Variants in SEC24B observed in about 807,000 individuals in gnomAD.
SEC24B encodes SEC24 homolog B, COPII component.
Under a neutral mutation model 142.8 loss-of-function variants are expected in SEC24B, and 45 were observed. The ratio of observed to expected loss-of-function variants is 0.32; its 90% CI spans 0.25 to 0.40. The LOEUF is 0.40. SEC24B is among the 10% of genes least tolerant of loss of function. The pLI is 1.00. For synonymous variants in SEC24B, 574 were observed against 568.2 expected, an observed-to-expected ratio of 1.01 and a Z score of -0.15; for missense variants, 1,409 against 1,526.8, an observed-to-expected ratio of 0.92 and a Z score of 1.29.
rs1561117642 is a variant in SEC24B, at chr4:109,483,056, T to TTATTTATGTATTTA, written c.1165+1278_1165+1279insTTATGTATTTATAT. ...TATTTATATATATGTATTTATGTAT[T>TTATTTATGTATTTA]TATATATATATATATATGTATGTAT... On this transcript the variant is annotated intron_variant, in intron 4 of 23. Transcript: ENST00000265175. Among the ~76,000 whole-genome samples, 418 of 97,852 alleles carry TTATTTATGTATTTA rather than the reference T, an allele frequency of 4.3e-3. 8 individuals carry two copies. The highest frequency in any genetic ancestry group is 0.036 in the African/African-American group (399 of 11,138). 64.2% of individuals were successfully genotyped at this position (97,852 alleles called of 152,430 possible).
intron 4 of SEC24B, among the ~76,000 whole-genome samples, chr4:109,485,763 A>G (rs1734289356): frequency 6.6e-6 from 1 of 152,358 alleles, no homozygotes; most frequent in African/African-American, 2.4e-5. Context: ...TGTGGGAATT[A>G]CATGTAAGTG....
At chr4:109,466,934 G>C (rs1170601755) in intron 2 of SEC24B, among the ~76,000 whole-genome samples, 1 of 152,084 alleles carries the variant, frequency 6.6e-6, no homozygotes, top group Non-Finnish European at 1.5e-5. Flanking sequence ...TCAAAACATA[G>C]ACTAAAGGGG....
intron 1 of SEC24B, among the ~76,000 whole-genome samples, chr4:109,441,116 A>G (rs1728890203): frequency 1.3e-5 from 2 of 152,222 alleles, no homozygotes; most frequent in Non-Finnish European, 2.9e-5. Context: ...AGCAGGATGA[A>G]GTAGCGAGAG....
intron 4 of SEC24B, among the ~76,000 whole-genome samples, chr4:109,485,234 T>C (rs1734229392): frequency 6.6e-6 from 1 of 152,258 alleles, no homozygotes; most frequent in Non-Finnish European, 1.5e-5. Flanking sequence ...ATTGTGTTAT[T>C]GTCTGTTCTT....
intron 6 of SEC24B, among the ~76,000 whole-genome samples, chr4:109,497,925 C>G (rs1735699759): frequency 2.0e-5 from 3 of 152,198 alleles, no homozygotes; most frequent in Admixed American, 2.0e-4. Flanking sequence ...TGTGAGAGTT[C>G]AGTTGCTTCA....
intron 11 of SEC24B, among the ~76,000 whole-genome samples, 159 bp downstream of exon 11, chr4:109,516,799 G>A (rs560903546): frequency 2.6e-5 from 4 of 152,186 alleles, no homozygotes; most frequent in African/African-American, 4.8e-5. Flanking sequence ...GCAGATACTC[G>A]AGTTATGATT....
chr4:109,446,656 G>A (rs1729494966), intron 1 of SEC24B, among the ~76,000 whole-genome samples: 1 of 152,218 alleles, frequency 6.6e-6, no homozygotes, highest in Admixed American at 6.5e-5. Context: ...TTTCTTATAC[G>A]TGAACAGGGT....
intron 4 of SEC24B, among the ~76,000 whole-genome samples, chr4:109,482,997 C>CATAT (rs1304339535): frequency 2.0e-5 from 2 of 102,346 alleles, no homozygotes; most frequent in East Asian, 2.6e-4. Flanking sequence ...CACACACACA[C>CATAT]ACACACATAT....
intron 1 of SEC24B, among the ~76,000 whole-genome samples, chr4:109,441,775 A>G (rs995419442): frequency 3.9e-5 from 6 of 152,132 alleles, no homozygotes; most frequent in African/African-American, 1.2e-4. Context: ...AGGATAATTG[A>G]TGTTGTAGCA....
At chr4:109,487,714 G>C (rs1473116798) in intron 4 of SEC24B, among the ~76,000 whole-genome samples, 4 of 152,172 alleles carry the variant, frequency 2.6e-5, no homozygotes, top group Admixed American at 1.3e-4. Flanking sequence ...AGTCTGTTTA[G>C]CTTACTGATT....
chr4:109,484,467 T>C (rs1222311383), intron 4 of SEC24B, among the ~76,000 whole-genome samples: 1 of 152,196 alleles, frequency 6.6e-6, no homozygotes, highest in Non-Finnish European at 1.5e-5. Context: ...TTTTTCCCTG[T>C]TAAAATTAAT....
At chr4:109,524,788 T>C (rs1462560420) in intron 14 of SEC24B, 30 bp from the exon 15 acceptor site, 1 of 1,584,828 alleles carries the variant, frequency 6.3e-7, no homozygotes, top group Admixed American at 1.8e-5. Context: ...TAAAGATTGC[T>C]AGCTCTTACT....
At position 109,494,666 on chromosome 4, in the gene SEC24B, C is replaced by T; in HGVS notation, c.1298C>T (p.Pro433Leu). 1.9e-6 allele frequency: 3 copies of T among 1,614,088 alleles called. No homozygotes were observed. In the South Asian group the frequency reaches 3.3e-5, roughly 18 times the overall value. Residue 433 changes from proline to leucine, a missense_variant, in exon 6 of 24, where the codon CCT becomes CTT. Physicochemically the swap from Pro to Leu is moderately conservative, Grantham distance 98. This residue lies in a region of SEC24B where 709 missense variants were observed against 673.5 expected (regional missense o/e 1.05). Coordinates refer to ENST00000265175, the MANE Select transcript of SEC24B (RefSeq NM_006323.5). ...SSPAPDPAPE[P>L]DPASAPAPAS... ...CCTGCTCCTGATCCCGCCCCTGAAC[C>T]TGATCCTGCTTCTGCTCCAGCTCCA...
chr4:109,520,320 A>G, intron 11 of SEC24B, 46 bp from the exon 12 acceptor site: 1 of 1,081,036 alleles, frequency 9.3e-7, no homozygotes, highest in South Asian at 1.3e-5. Flanking sequence ...GAAATGAAAT[A>G]TGTTACTGAG....
Position 109,538,542 on chromosome 4 carries a change from T to C in SEC24B, c.3638T>C (p.Phe1213Ser). The C allele has an allele frequency of 6.2e-7, 1 of 1,613,476 alleles. No individual in the cohort carries two copies. Among genetic ancestry groups the C allele is most frequent in the Non-Finnish European group, 8.5e-7 (1 of 1,179,464 alleles). Residue 1213 changes from phenylalanine to serine, a missense_variant, in exon 23 of 24, where the codon TTC (phenylalanine) becomes TCC (serine). By Grantham distance (155) the Phe-to-Ser change is radical. This residue lies in a region of SEC24B where 700 missense variants were observed against 853.3 expected (regional missense o/e 0.82). Transcript: ENST00000265175. ...CTTTCATCAGAAAGAGCCAGATCCT[T>C]CATAACTTGGCTTAGAGACAGCAGA... ...DTLSSERARS[F>S]ITWLRDSRPL...
chr4:109,453,154 C>A (rs1474868656), intron 1 of SEC24B, among the ~76,000 whole-genome samples: 2 of 152,046 alleles, frequency 1.3e-5, no homozygotes. Flanking sequence ...CACAGAGATC[C>A]CATGCTTTAA....
chr4:109,465,578 C>G (rs1731776134), intron 2 of SEC24B, among the ~76,000 whole-genome samples: 1 of 152,122 alleles, frequency 6.6e-6, no homozygotes, highest in African/African-American at 2.4e-5. Context: ...TTTACAGATC[C>G]ACTTATCCTA....
At chr4:109,447,994 G>C (rs748427121) in intron 1 of SEC24B, among the ~76,000 whole-genome samples, 1 of 152,150 alleles carries the variant, frequency 6.6e-6, no homozygotes, top group Non-Finnish European at 1.5e-5. Flanking sequence ...CAGCAACATT[G>C]CATCTGTCTG....
chr4:109,483,994 C>G (rs1169321080), intron 4 of SEC24B, among the ~76,000 whole-genome samples: 1 of 152,194 alleles, frequency 6.6e-6, no homozygotes, highest in East Asian at 1.9e-4. Context: ...ATCATAAGGT[C>G]AGTGTCTTAA....
Sources: allele counts gnomAD v4.1 joint callset (sites outside exome capture counted in the v4.1 genomes callset), GRCh38; gene constraint gnomAD v4.1.1; regional missense constraint gnomAD v4.1.1; transcripts MANE v1.5; gene names NCBI Gene and HGNC (gene_info 2026-07-23, HGNC 2026-07-21).